CD36: variants seen among roughly 807,000 people sequenced by gnomAD.
The protein encoded by CD36 is platelet glycoprotein 4.
CD36 carries 119 observed loss-of-function variants against 55.2 expected under a neutral mutation model. That is an observed-to-expected ratio of 2.15 (90% CI 1.86 to 2.51). The LOEUF is 2.51. Ranked by LOEUF, CD36 falls within the 30% of genes most tolerant of loss-of-function variation. CD36 has a pLI of 0.00. For missense variants in CD36, 819 were observed against 555.5 expected (o/e 1.47, Z -4.77); for synonymous variants, 186 against 193.6 (o/e 0.96, Z 0.33).
At chr7:80,662,630 G>A in intron 5 of CD36, 1 of 269,012 alleles carries the variant, frequency 3.7e-6, no homozygotes. Context: ...GAATGTGCAG[G>A]ATTGTTACAT....
At chr7:80,651,428 A>G (rs1400001953) in intron 3 of CD36, among the ~76,000 whole-genome samples, 2 of 152,178 alleles carry the variant, frequency 1.3e-5, no homozygotes, top group Non-Finnish European at 2.9e-5. Flanking sequence ...AATAAGTTCT[A>G]TAGTTCTAAC....
chr7:80,674,336 TTCTGGGAGAAATGAGATAAA>T, intron 14 of CD36, 189 bp downstream of exon 14: 3 of 548,858 alleles, frequency 5.5e-6, no homozygotes, highest in Non-Finnish European at 9.7e-6. Flanking sequence ...ATATCTTTAA[TTCTGGGAGAAATGAGATAAA>T]AGATGTACTT....
chr7:80,673,405 ATGAGGTTTGT>A lies in CD36; in HGVS notation c.1251_1254+6del. On this transcript the variant is annotated splice_donor_variant and splice_donor_5th_base_variant and coding_sequence_variant and intron_variant, in exon 13 of 15. Coordinates refer to ENST00000447544, the MANE Select transcript of CD36 (RefSeq NM_001001548.3). LOFTEE classifies it high-confidence loss of function. ...TATATTGTGCCTATTCTTTGGCTTA[ATGAGGTTTGT>A]ATTTGCAGCTGTTAGTCATTAAAAA... 1 of 1,563,754 alleles carries A rather than the reference ATGAGGTTTGT, an allele frequency of 6.4e-7. No individual in the cohort carries two copies. Among genetic ancestry groups the A allele is most frequent in the Non-Finnish European group, 8.8e-7 (1 of 1,134,896 alleles).
chr7:80,634,786 G>A (rs1189237195), upstream of CD36, among the ~76,000 whole-genome samples: 1 of 151,836 alleles, frequency 6.6e-6, no homozygotes, highest in Non-Finnish European at 1.5e-5. Context: ...CTATACAAAT[G>A]CTAAAAGAAA....
intron 13 of CD36, chr7:80,673,692 G>C (rs1020784849): frequency 1.1e-5 from 6 of 557,400 alleles, no homozygotes; most frequent in African/African-American, 9.4e-5. Flanking sequence ...TCCATGCATT[G>C]ATAGCTATAA....
At chr7:80,647,070 G>A (rs1795223095) in intron 3 of CD36, 1 of 508,128 alleles carries the variant, frequency 2.0e-6, no homozygotes, top group Non-Finnish European at 3.5e-6. Context: ...CTCCATTGCT[G>A]TCTTAAATAT....
chr7:80,670,168 T>C, intron 9 of CD36, 146 bp downstream of exon 9: 1 of 654,988 alleles, frequency 1.5e-6, no homozygotes, highest in Non-Finnish European at 2.7e-6. Flanking sequence ...TTCCAATTTT[T>C]AATAGTACAA....
rs547847155 is a variant in CD36 at position 80,673,589 on chromosome 7, A to G, written c.1254+180A>G. ...CAATTGAACAAAAACATTTCCTATCATTTAAGATTTTCTTCAAAAATGCAT... is the reference window on the plus strand; with the variant it reads ...CAATTGAACAAAAACATTTCCTATCGTTTAAGATTTTCTTCAAAAATGCAT... On this transcript the variant is annotated intron_variant, in intron 13 of 14. Transcript: ENST00000447544. 1.4e-5 allele frequency: 8 copies of G among 579,984 alleles called. No homozygotes were observed. The Admixed American group carries it at 2.6e-4, about 19-fold the overall frequency. 35.9% of individuals were successfully genotyped at this position (579,984 alleles called of 1,614,324 possible).
chr7:80,604,892 A>G (rs1391562854), intron 1 of CD36, among the ~76,000 whole-genome samples: 2 of 152,274 alleles, frequency 1.3e-5, no homozygotes, highest in East Asian at 1.9e-4. Flanking sequence ...ATGACTTAAT[A>G]AGAACACTTC....
At chr7:80,633,669 A>C (rs965171571), upstream of CD36, among the ~76,000 whole-genome samples, 17 of 152,048 alleles carry the variant, frequency 1.1e-4, no homozygotes, top group African/African-American at 4.1e-4. Context: ...TAATACTTTA[A>C]TACTTCTATA....
intron 1 of CD36, chr7:80,640,003 T>G (rs1034444441): frequency 6.6e-6 from 1 of 152,036 alleles, no homozygotes; most frequent in African/African-American, 2.4e-5. Flanking sequence ...TTTTAAGGAA[T>G]TTTTTTAACC....
At chr7:80,667,777 G>A (rs185939047) in intron 8 of CD36, among the ~76,000 whole-genome samples, 134 of 86,338 alleles carry the variant, frequency 1.6e-3, no homozygotes, top group Middle Eastern at 9.8e-3. Flanking sequence ...TTGAGACATA[G>A]TCTGGCTCTG....
intron 9 of CD36, 156 bp downstream of exon 9, chr7:80,670,178 A>ATT: frequency 6.4e-6 from 4 of 628,890 alleles, no homozygotes; most frequent in East Asian, 2.8e-5. Flanking sequence ...TAATAGTACA[A>ATT]ATTTTTTTTT....
intron 1 of CD36, among the ~76,000 whole-genome samples, chr7:80,621,690 T>A (rs143940929): frequency 1.1e-4 from 16 of 152,352 alleles, no homozygotes; most frequent in African/African-American, 3.8e-4. Flanking sequence ...TTTTAAAAAT[T>A]AACTTCATAC....
intron 9 of CD36, 91 bp downstream of exon 9, chr7:80,670,113 CAT>C: frequency 1.2e-6 from 1 of 812,620 alleles, no homozygotes; most frequent in Non-Finnish European, 2.2e-6. Context: ...ATAGGAAATT[CAT>C]CATGTTTATT....
Position 80,646,655 on chromosome 7 carries a change from C to T in CD36, c.-86C>T, listed in dbSNP as rs1216620761. Reference sequence around the variant, plus strand: ...TATGATCTCTTTCTAATGATAGAACCAGAGCTTGTAGAAACCACTTTAATC... The same window carrying T: ...TATGATCTCTTTCTAATGATAGAACTAGAGCTTGTAGAAACCACTTTAATC... On this transcript the variant is annotated 5_prime_UTR_variant, in exon 3 of 15. Transcript: ENST00000447544. 3 of 1,495,484 alleles carry T rather than the reference C, an allele frequency of 2.0e-6. No homozygotes were observed. The highest frequency in any genetic ancestry group is 1.9e-6 in the Non-Finnish European group (2 of 1,073,204). 92.6% of individuals were successfully genotyped at this position (1,495,484 alleles called of 1,614,324 possible). A position where few individuals can be genotyped will look rare whatever the true frequency, so the allele number is the denominator to read the frequency against.
intron 1 of CD36, among the ~76,000 whole-genome samples, chr7:80,623,734 A>G (rs927171032): frequency 2.0e-5 from 3 of 152,168 alleles, no homozygotes; most frequent in Admixed American, 2.0e-4. Flanking sequence ...ACCAGGATAC[A>G]TGTTGTTATG....
At chr7:80,614,775 A>G (rs1793056683) in intron 1 of CD36, among the ~76,000 whole-genome samples, 1 of 152,134 alleles carries the variant, frequency 6.6e-6, no homozygotes, top group African/African-American at 2.4e-5. Context: ...TCAGTTGAAA[A>G]CTGTGGGTGC....
At chr7:80,654,569 TA>T (rs1439389436) in intron 3 of CD36, among the ~76,000 whole-genome samples, 2 of 152,184 alleles carry the variant, frequency 1.3e-5, no homozygotes, top group African/African-American at 4.8e-5. Flanking sequence ...TTTAGAAGAA[TA>T]TCCATAATGC....
Sources: allele counts gnomAD v4.1 joint callset (sites outside exome capture counted in the v4.1 genomes callset), GRCh38; gene constraint gnomAD v4.1.1; transcripts MANE v1.5; gene names NCBI Gene and HGNC (gene_info 2026-07-23, HGNC 2026-07-21).